ESRRG: variants seen among roughly 807,000 people sequenced by gnomAD.
ESRRG encodes estrogen-related receptor gamma.
Under a neutral mutation model 44.0 loss-of-function variants are expected in ESRRG, and 13 were observed. That is an observed-to-expected ratio of 0.30 (90% confidence interval 0.19 to 0.47). The LOEUF (loss-of-function observed/expected upper bound fraction) is 0.47, where lower values mean the gene tolerates loss of function less well. Among genes scored for constraint, ESRRG ranks in the 20% least tolerant of loss-of-function variants. The pLI, the probability that ESRRG is intolerant of heterozygous loss-of-function variation, is 1.00. For synonymous variants in ESRRG, 215 were observed against 214.6 expected (o/e 1.00, Z -0.02); for missense variants, 395 against 580.6 (o/e 0.68, Z 3.29).
chr1:216,507,002 G>A lies in ESRRG; in HGVS notation c.1314C>T (p.Ile438=), dbSNP rs759853343. Reference sequence around the variant, plus strand: ...GCATTGGGACTTTGCCTTCTAGTTTGATGTTGTAGAAATGCTGCACGGCCT... The same window carrying A: ...GCATTGGGACTTTGCCTTCTAGTTTAATGTTGTAGAAATGCTGCACGGCCT... The part of the protein sequence containing the change: ...STKAVQHFYN[I]KLEGKVPMHK... Residue 438 remains isoleucine (I), a synonymous_variant, in exon 7 of 7, where the codon ATC becomes ATT. Transcript: ENST00000408911. The A allele has an allele frequency of 3.7e-6, 6 of 1,614,018 alleles. No homozygotes were observed. The African/African-American group carries it at 8.0e-5, about 22-fold the overall frequency.
intron 5 of ESRRG, among the ~76,000 whole-genome samples, chr1:216,542,739 G>A (rs1297263631): frequency 6.6e-6 from 1 of 151,876 alleles, no homozygotes; most frequent in African/African-American, 2.4e-5. Flanking sequence ...ATGTAGAATT[G>A]AATTTTTCTT....
In ESRRG at chr1:217,057,898, A is replaced by G. The variant is rs138789747; in HGVS notation, c.-106+31609T>C. Among the ~76,000 whole-genome samples the G allele has an allele frequency of 8.4e-3, 1,278 of 152,296 alleles. 10 individuals are homozygous for G. Among genetic ancestry groups the G allele is most frequent in the Non-Finnish European group, 0.01 (710 of 68,010 alleles). On this transcript the variant is annotated intron_variant, in intron 1 of 7. Transcript: ENST00000359162. ...GTGGCCCAAGATAAATCTTCTTCCA[A>G]CGTGGCCCAGGGAAGCCAAAAGATT... is the stretch of plus-strand genomic sequence containing the variant.
chr1:217,009,562 T>C (rs2078235721), intron 1 of ESRRG, among the ~76,000 whole-genome samples: 1 of 152,220 alleles, frequency 6.6e-6, no homozygotes, highest in Non-Finnish European at 1.5e-5. Flanking sequence ...CTACATTAGC[T>C]TCATTGTCTA....
At chr1:216,732,397 A>G (rs1255007350) in intron 2 of ESRRG, among the ~76,000 whole-genome samples, 1 of 90,396 alleles carries the variant, frequency 1.1e-5, no homozygotes, top group South Asian at 3.7e-4. Flanking sequence ...TTTTTTTTTT[A>G]ACAGAGACTT....
chr1:216,904,590 T>C (rs563466809), intron 2 of ESRRG, among the ~76,000 whole-genome samples: 1 of 152,170 alleles, frequency 6.6e-6, no homozygotes, highest in Non-Finnish European at 1.5e-5. Flanking sequence ...GCTTTACTTA[T>C]CAGAGTAAGC....
At chr1:217,137,197 C>A (rs918394403) in intron 1 of ESRRG, among the ~76,000 whole-genome samples, 3 of 152,194 alleles carry the variant, frequency 2.0e-5, no homozygotes, top group African/African-American at 7.2e-5. Flanking sequence ...GGGCAAAAAC[C>A]AAACAGGGTC....
chr1:216,904,089 A>C (rs2059410957), intron 2 of ESRRG, among the ~76,000 whole-genome samples: 1 of 152,154 alleles, frequency 6.6e-6, no homozygotes, highest in African/African-American at 2.4e-5. Context: ...GTACGTATTA[A>C]AGATTATTTC....
intron 3 of ESRRG, among the ~76,000 whole-genome samples, chr1:216,626,596 T>C (rs1166133299): frequency 2.0e-5 from 3 of 152,222 alleles, no homozygotes; most frequent in Non-Finnish European, 4.4e-5. Context: ...TGCAGCACCA[T>C]TGACAGTCAG....
At chr1:217,072,525 CATT>C (rs1315853434) in intron 1 of ESRRG, among the ~76,000 whole-genome samples, 1 of 152,076 alleles carries the variant, frequency 6.6e-6, no homozygotes, top group African/African-American at 2.4e-5. Context: ...AAAATATAGA[CATT>C]ATAGTTATTT....
At chr1:216,916,739 C>T (rs2061209436) in intron 2 of ESRRG, among the ~76,000 whole-genome samples, 1 of 151,576 alleles carries the variant, frequency 6.6e-6, no homozygotes. Flanking sequence ...CATTCCTCCA[C>T]TCCTCACCCT....
chr1:216,697,313 A>T (rs888702747), intron 1 of ESRRG, among the ~76,000 whole-genome samples: 1 of 152,188 alleles, frequency 6.6e-6, no homozygotes, highest in African/African-American at 2.4e-5. Flanking sequence ...TAAAATCTGC[A>T]TCTGATTTTG....
chr1:216,977,431 T>G (rs2073169563), intron 1 of ESRRG, among the ~76,000 whole-genome samples: 1 of 151,764 alleles, frequency 6.6e-6, no homozygotes, highest in Admixed American at 6.6e-5. Flanking sequence ...AGTAGACTTT[T>G]ATCTACACAT....
chr1:216,984,202 C>A (rs1484457528), intron 1 of ESRRG, among the ~76,000 whole-genome samples: 2 of 152,116 alleles, frequency 1.3e-5, no homozygotes, highest in Non-Finnish European at 2.9e-5. Flanking sequence ...GAGCCCCTGG[C>A]AGGAATATAC....
chr1:216,503,716 A>C lies in ESRRG; in HGVS notation c.*3223T>G, dbSNP rs1221111316. 6.5e-6 allele frequency: 1 copy of C among 152,674 alleles called. No individual in the cohort carries two copies. Among genetic ancestry groups the C allele is most frequent in the East Asian group, 1.9e-4 (1 of 5,174 alleles). 9.5% of individuals were successfully genotyped at this position (152,674 alleles called of 1,614,324 possible). A position where few individuals can be genotyped will look rare whatever the true frequency, so the allele number is the denominator to read the frequency against. The stretch of plus-strand genomic sequence containing the variant: ...GAAAAATAGCAGTTTTAAATTTTTT[A>C]TATCTTTTATGTTATCATTTAAATG... On this transcript the variant is annotated 3_prime_UTR_variant, in exon 7 of 7. Coordinates refer to ENST00000408911, the MANE Select transcript of ESRRG (RefSeq NM_001438.4).
chr1:216,812,247 T>C (rs1295238202), intron 2 of ESRRG, among the ~76,000 whole-genome samples: 1 of 152,212 alleles, frequency 6.6e-6, no homozygotes, highest in Non-Finnish European at 1.5e-5. Flanking sequence ...TAACCTTGTC[T>C]GTTTTTAACA....
chr1:216,547,880 T>C (rs1038431402), intron 5 of ESRRG, among the ~76,000 whole-genome samples: 18 of 151,984 alleles, frequency 1.2e-4, no homozygotes, highest in African/African-American at 4.3e-4. Context: ...AAACATACCA[T>C]GGTGGTATGT....
At chr1:217,033,826 G>A (rs1490008910) in intron 1 of ESRRG, among the ~76,000 whole-genome samples, 2 of 152,180 alleles carry the variant, frequency 1.3e-5, no homozygotes, top group Non-Finnish European at 2.9e-5. Context: ...CTTATTTAAT[G>A]TTCATAGTAA....
intron 2 of ESRRG, among the ~76,000 whole-genome samples, chr1:216,875,079 G>C (rs991609952): frequency 6.6e-6 from 1 of 152,116 alleles, no homozygotes; most frequent in Non-Finnish European, 1.5e-5. Context: ...GATGGCCAGT[G>C]GTGGGACTTC....
chr1:216,668,099 AAAAT>A (rs913714843), intron 2 of ESRRG, among the ~76,000 whole-genome samples: 7 of 152,148 alleles, frequency 4.6e-5, no homozygotes, highest in African/African-American at 1.7e-4. Context: ...TCCATCTCAA[AAAAT>A]AAATAAATAA....
Sources: gnomAD v4.1 joint callset for allele counts (sites outside exome capture counted in the v4.1 genomes callset) on GRCh38, gnomAD v4.1.1 for gene constraint, MANE v1.5 for transcripts, NCBI Gene and HGNC (gene_info 2026-07-23, HGNC 2026-07-21) for gene names.